Variants in GRIK1 observed in about 807,000 individuals in gnomAD.
GRIK1 encodes the protein glutamate receptor ionotropic, kainate 1.
A neutral mutation model predicts 105.7 loss-of-function variants in GRIK1; 69 were observed. The observed-to-expected ratio is 0.65, with a 90% CI of 0.54 to 0.80. The LOEUF (loss-of-function observed/expected upper bound fraction) is 0.80. GRIK1 is among the 30% of genes least tolerant of loss of function. The pLI is 0.00. For synonymous variants in GRIK1, 438 were observed against 431.3 expected, an observed-to-expected ratio of 1.02 and a Z score of -0.19; for missense variants, 1,109 against 1,167.3, an observed-to-expected ratio of 0.95 and a Z score of 0.73.
At chr21:29,788,786 A>G (rs2066332580) in intron 1 of GRIK1, among the ~76,000 whole-genome samples, 1 of 152,216 alleles carries the variant, frequency 6.6e-6, no homozygotes, top group African/African-American at 2.4e-5. Context: ...AGATTCTTAC[A>G]GGAGCCTGTA....
chr21:29,813,804 T>C (rs1338604987), intron 1 of GRIK1, among the ~76,000 whole-genome samples: 1 of 151,994 alleles, frequency 6.6e-6, no homozygotes, highest in African/African-American at 2.4e-5. Context: ...ACCAGATTCA[T>C]AATCATCTCA....
intron 1 of GRIK1, among the ~76,000 whole-genome samples, chr21:29,756,084 A>G (rs1229548819): frequency 6.6e-6 from 1 of 152,220 alleles, no homozygotes; most frequent in African/African-American, 2.4e-5. Flanking sequence ...CGAGGATGTG[A>G]TATTTAAAAT....
chr21:29,548,641 T>C (rs2090083219), intron 16 of GRIK1, among the ~76,000 whole-genome samples: 1 of 152,204 alleles, frequency 6.6e-6, no homozygotes, highest in African/African-American at 2.4e-5. Flanking sequence ...GAAATAGACC[T>C]TGTGGTATAA....
At chr21:29,651,413 G>T in intron 5 of GRIK1, 122 bp from the exon 6 acceptor site, 1 of 683,756 alleles carries the variant, frequency 1.5e-6, no homozygotes, top group Non-Finnish European at 2.3e-6. Context: ...TGGTTTTGTG[G>T]TTCATGGTTT....
At chr21:29,808,522 A>G (rs780301944) in intron 1 of GRIK1, among the ~76,000 whole-genome samples, 1 of 152,180 alleles carries the variant, frequency 6.6e-6, no homozygotes, top group Non-Finnish European at 1.5e-5. Flanking sequence ...TTACCAGGAC[A>G]TTCAAAGAAA....
intron 1 of GRIK1, among the ~76,000 whole-genome samples, chr21:29,699,497 G>A (rs1315815033): frequency 6.6e-6 from 1 of 152,090 alleles, no homozygotes; most frequent in African/African-American, 2.4e-5. Context: ...AACCAAACCT[G>A]CCGACACCTC....
intron 4 of GRIK1, among the ~76,000 whole-genome samples, 185 bp from the exon 5 acceptor site, chr21:29,655,048 A>G (rs1424914426): frequency 1.3e-5 from 2 of 152,238 alleles, no homozygotes; most frequent in East Asian, 3.8e-4. Context: ...ACTGACCTCC[A>G]GCCAACACTA....
chr21:29,583,674 G>C (rs1000346527), intron 12 of GRIK1, among the ~76,000 whole-genome samples: 2 of 152,192 alleles, frequency 1.3e-5, no homozygotes, highest in Admixed American at 6.5e-5. Context: ...GATTCTGCCT[G>C]CTCTGCAGAG....
chr21:29,802,633 G>T (rs888389457), intron 1 of GRIK1, among the ~76,000 whole-genome samples: 25 of 152,006 alleles, frequency 1.6e-4, no homozygotes, highest in African/African-American at 6.0e-4. Context: ...CTGTAGTTTG[G>T]TTCAGGCTAT....
At chr21:29,867,685 T>C (rs1174259461) in intron 1 of GRIK1, among the ~76,000 whole-genome samples, 13 of 151,928 alleles carry the variant, frequency 8.6e-5, no homozygotes. Context: ...TCCCAGGTAC[T>C]TGGGAAGCTG....
chr21:29,643,257 C>T (rs1358904752), intron 6 of GRIK1, among the ~76,000 whole-genome samples: 2 of 152,136 alleles, frequency 1.3e-5, no homozygotes. Context: ...AAATATTTTG[C>T]GAAGTGTCCT....
chr21:29,791,973 G>A (rs2066430809), intron 1 of GRIK1, among the ~76,000 whole-genome samples: 1 of 152,078 alleles, frequency 6.6e-6, no homozygotes, highest in African/African-American at 2.4e-5. Context: ...TTTATATGCT[G>A]ATTTAACAAC....
intron 1 of GRIK1, among the ~76,000 whole-genome samples, chr21:29,776,865 A>G (rs980194882): frequency 6.6e-6 from 1 of 152,216 alleles, no homozygotes; most frequent in Non-Finnish European, 1.5e-5. Context: ...TGACTACTAC[A>G]TCTGAATTAT....
At chr21:29,813,388 AC>A (rs1472442183) in intron 1 of GRIK1, among the ~76,000 whole-genome samples, 4 of 152,092 alleles carry the variant, frequency 2.6e-5, no homozygotes, top group African/African-American at 9.7e-5. Context: ...TTAAATTACC[AC>A]CTAATTAGAT....
chr21:29,926,328 A>G (rs552701564), intron 1 of GRIK1, among the ~76,000 whole-genome samples: 9 of 152,340 alleles, frequency 5.9e-5, no homozygotes, highest in Admixed American at 1.3e-4. Context: ...CACAGTGATT[A>G]GTCCAGTGCT....
chr21:29,543,013 C>T (rs923753867), intron 16 of GRIK1, among the ~76,000 whole-genome samples: 6 of 152,142 alleles, frequency 3.9e-5, no homozygotes, highest in Non-Finnish European at 7.3e-5. Flanking sequence ...AAGTTGAAAG[C>T]AAGCTATGAT....
At chr21:29,700,510 AT>A (rs2063791400) in intron 1 of GRIK1, among the ~76,000 whole-genome samples, 1 of 152,196 alleles carries the variant, frequency 6.6e-6, no homozygotes, top group Non-Finnish European at 1.5e-5. Context: ...TTAATCCCAC[AT>A]TATATGGAGA....
intron 1 of GRIK1, among the ~76,000 whole-genome samples, chr21:29,902,520 T>C (rs1274769255): frequency 6.6e-6 from 1 of 152,144 alleles, no homozygotes; most frequent in Non-Finnish European, 1.5e-5. Flanking sequence ...GAGAGCCAAA[T>C]CATGAGTGAA....
intron 1 of GRIK1, among the ~76,000 whole-genome samples, chr21:29,774,900 T>A (rs772980481): frequency 6.6e-6 from 1 of 152,218 alleles, no homozygotes; most frequent in Non-Finnish European, 1.5e-5. Flanking sequence ...AACTTCTTAA[T>A]AATTTTTGAA....
Sources: gnomAD v4.1 joint callset for allele counts (sites outside exome capture counted in the v4.1 genomes callset) on GRCh38, gnomAD v4.1.1 for gene constraint, MANE v1.5 for transcripts, NCBI Gene and HGNC (gene_info 2026-07-23, HGNC 2026-07-21) for gene names.